Variants in NBEA observed in about 807,000 individuals in gnomAD.
NBEA encodes lysosomal-trafficking regulator 2.
Under a neutral mutation model 343.4 loss-of-function variants are expected in NBEA, and 44 were observed. The observed-to-expected ratio is 0.13, with a 90% CI of 0.10 to 0.16. The LOEUF (loss-of-function observed/expected upper bound fraction) is 0.16. NBEA is among the 10% of genes least tolerant of loss of function. NBEA has a pLI of 1.00. For synonymous variants in NBEA, 1,175 were observed against 1,238.7 expected, an observed-to-expected ratio of 0.95 and a Z score of 1.08; for missense variants, 2,555 against 3,631.3, an observed-to-expected ratio of 0.70 and a Z score of 7.62.
At chr13:35,399,388 G>A (rs892631880) in intron 38 of NBEA, among the ~76,000 whole-genome samples, 3 of 152,154 alleles carry the variant, frequency 2.0e-5, no homozygotes, top group Admixed American at 1.3e-4. Context: ...TACAGTCATG[G>A]TGGAAGGGGA....
intron 8 of NBEA, among the ~76,000 whole-genome samples, chr13:35,067,593 C>T (rs868374417): frequency 1.3e-5 from 2 of 152,096 alleles, no homozygotes; most frequent in South Asian, 2.1e-4. Flanking sequence ...TGCCTATTTG[C>T]AGTCACTCCT....
rs972051933 is a variant in NBEA, at chr13:35,579,817, G to A, written c.7036-4081G>A. On this transcript the variant is annotated intron_variant, in intron 45 of 58. Transcript: ENST00000379939. The stretch of plus-strand genomic sequence containing the variant: ...AGGTTTTTATTTTTAGGAAAACCAA[G>A]CTTTTTGTGGCACTGAAGTTTGAGA... Among the ~76,000 whole-genome samples the A allele has an allele frequency of 2.0e-5, 3 of 152,062 alleles. No homozygotes were observed. In the East Asian group the frequency reaches 5.8e-4, roughly 29 times the overall value.
chr13:35,245,089 GT>G (rs1250860540), intron 34 of NBEA, among the ~76,000 whole-genome samples: 1 of 151,968 alleles, frequency 6.6e-6, no homozygotes, highest in Admixed American at 6.6e-5. Flanking sequence ...TCTTTCTCTT[GT>G]TTGGTCTGAT....
intron 7 of NBEA, among the ~76,000 whole-genome samples, chr13:35,056,506 T>C (rs2063266856): frequency 1.3e-5 from 2 of 152,018 alleles, no homozygotes. Context: ...ATAAATGCTA[T>C]GGAGAAAATA....
At chr13:35,040,071 G>A (rs988882529) in intron 1 of NBEA, among the ~76,000 whole-genome samples, 17 of 152,024 alleles carry the variant, frequency 1.1e-4, no homozygotes, top group Non-Finnish European at 5.9e-5. Flanking sequence ...TTTGTCAGAC[G>A]TTGTATATGA....
intron 47 of NBEA, among the ~76,000 whole-genome samples, chr13:35,605,729 C>T (rs1053190551): frequency 1.3e-5 from 2 of 152,200 alleles, no homozygotes; most frequent in African/African-American, 4.8e-5. Context: ...ACATCACACA[C>T]AAGTTCTCCT....
chr13:35,529,679 A>C (rs916862075), intron 41 of NBEA, among the ~76,000 whole-genome samples: 6 of 152,218 alleles, frequency 3.9e-5, no homozygotes, highest in African/African-American at 1.4e-4. Context: ...TTTCATTAGA[A>C]TGTGGTTTTT....
intron 1 of NBEA, among the ~76,000 whole-genome samples, chr13:35,000,091 A>C (rs1396014591): frequency 6.6e-6 from 1 of 152,132 alleles, no homozygotes; most frequent in Admixed American, 6.6e-5. Flanking sequence ...GAATTTAGTA[A>C]TGTCCTATCC....
chr13:35,217,179 C>T (rs893644625), intron 33 of NBEA, among the ~76,000 whole-genome samples: 1 of 151,968 alleles, frequency 6.6e-6, no homozygotes, highest in Non-Finnish European at 1.5e-5. Flanking sequence ...ATGTCTCCTT[C>T]ATGAATTGTC....
chr13:35,300,379 A>T (rs520798), intron 35 of NBEA, among the ~76,000 whole-genome samples: 1 of 152,042 alleles, frequency 6.6e-6, no homozygotes, highest in African/African-American at 2.4e-5. Flanking sequence ...GTGCATCAGT[A>T]TAAAAGAATA....
intron 33 of NBEA, among the ~76,000 whole-genome samples, chr13:35,214,678 A>G (rs950727913): frequency 1.3e-5 from 2 of 151,794 alleles, no homozygotes; most frequent in African/African-American, 2.4e-5. Context: ...GTTAATAACA[A>G]AAGTTTCTAA....
chr13:35,311,849 C>T (rs1394676133), intron 36 of NBEA, among the ~76,000 whole-genome samples: 1 of 151,982 alleles, frequency 6.6e-6, no homozygotes, highest in Admixed American at 6.6e-5. Context: ...AGCGAGACTT[C>T]GTCCCCCCAC....
intron 47 of NBEA, among the ~76,000 whole-genome samples, chr13:35,594,148 A>G (rs1045089745): frequency 2.0e-5 from 3 of 152,102 alleles, no homozygotes; most frequent in African/African-American, 7.2e-5. Flanking sequence ...TTTCCTGATA[A>G]TAAGGTTACA....
At position 34,958,120 on chromosome 13, in the gene NBEA, C is replaced by A. The variant is rs2059556186; in HGVS notation, c.294+15006C>A. ...TTAGGTTATTTTATTATAAATAAAG[C>A]ATACTTATTAAAATTCATTTTACCT... On this transcript the variant is annotated intron_variant, in intron 1 of 58. Coordinates refer to ENST00000379939, the MANE Select transcript of NBEA (RefSeq NM_001385012.1). 2.0e-5 allele frequency among the ~76,000 whole-genome samples: 3 copies of A among 151,940 alleles called. No individual in the cohort carries two copies. In the South Asian group the frequency reaches 6.2e-4, roughly 32 times the overall value.
At position 35,551,189 on chromosome 13, in the gene NBEA, T is replaced by C. The variant is rs555874379; in HGVS notation, c.6806+157T>C. ...TTTGTAGGGATAGAGATTATGAAAATAGCTATTTTGAGAATGACAGAATGG... is the reference window on the plus strand; with the variant it reads ...TTTGTAGGGATAGAGATTATGAAAACAGCTATTTTGAGAATGACAGAATGG... On this transcript the variant is annotated intron_variant, in intron 43 of 58. Coordinates refer to ENST00000379939, the MANE Select transcript of NBEA (RefSeq NM_001385012.1). 9.8e-4 allele frequency among the ~76,000 whole-genome samples: 149 copies of C among 151,844 alleles called. 1 individual carries two copies. The highest frequency in any genetic ancestry group is 3.4e-3 in the African/African-American group (142 of 41,514).
intron 38 of NBEA, among the ~76,000 whole-genome samples, chr13:35,413,615 C>G (rs1415134579): frequency 1.3e-5 from 2 of 151,934 alleles, no homozygotes; most frequent in Admixed American, 6.6e-5. Flanking sequence ...GTACCTAAAC[C>G]CTATTTATCT....
intron 38 of NBEA, among the ~76,000 whole-genome samples, chr13:35,417,435 G>C (rs1277865189): frequency 2.6e-5 from 4 of 152,044 alleles, no homozygotes; most frequent in African/African-American, 9.7e-5. Context: ...GCTATGTTGT[G>C]TCTTTGTTCT....
At chr13:35,245,640 C>CGA (rs2031069968) in intron 34 of NBEA, among the ~76,000 whole-genome samples, 2 of 152,148 alleles carry the variant, frequency 1.3e-5, no homozygotes, top group Non-Finnish European at 2.9e-5. Context: ...TGTAGGGTTT[C>CGA]TGCTGAGAAA....
intron 38 of NBEA, among the ~76,000 whole-genome samples, chr13:35,420,887 T>C (rs1426420871): frequency 6.6e-6 from 1 of 152,022 alleles, no homozygotes; most frequent in African/African-American, 2.4e-5. Context: ...TACTCTTTTT[T>C]ACTTTGTCAG....
Sources: allele counts gnomAD v4.1 joint callset (sites outside exome capture counted in the v4.1 genomes callset), GRCh38; gene constraint gnomAD v4.1.1; transcripts MANE v1.5; gene names NCBI Gene and HGNC (gene_info 2026-07-23, HGNC 2026-07-21).